The following IPP variants were observed in gnomAD, a reference collection of about 807,000 sequenced individuals.
IPP encodes actin-binding protein IPP.
In IPP, 41 loss-of-function variants were observed where a neutral mutation model predicts 64.1. The observed-to-expected ratio is 0.64, with a 90% CI of 0.50 to 0.83. The LOEUF (loss-of-function observed/expected upper bound fraction) is 0.83, where lower values mean the gene tolerates loss of function less well. Ranked by LOEUF, IPP falls within the 40% of genes least tolerant of loss-of-function variation. The pLI is 0.00. For synonymous variants in IPP, 214 were observed against 235.2 expected (o/e 0.91, Z 0.83); for missense variants, 649 against 703.0 (o/e 0.92, Z 0.87).
rs1412228707 is a variant in IPP, at chr1:45,749,512, G to GTT, written c.-51+1083_-51+1084dup. 5.3e-4 allele frequency among the ~76,000 whole-genome samples: 71 copies of GTT among 134,096 alleles called. No individual in the cohort carries two copies. In the East Asian group the frequency reaches 0.013, roughly 25 times the overall value. 88.0% of individuals were successfully genotyped at this position (134,096 alleles called of 152,430 possible). A position where few individuals can be genotyped will look rare whatever the true frequency, so the allele number is the denominator to read the frequency against. ...ATTTTTTGTTTTTTTTTTTTGTTTT[G>GTT]TTTTTGTTTTTTGTTTTTTTTTTTT... On this transcript the variant is annotated intron_variant, in intron 1 of 8. Transcript: ENST00000396478.
chr1:45,707,161 C>T lies in IPP; in HGVS notation c.1531-6971G>A, dbSNP rs566399294. ...ACTTTAGGCTGGGCACAGTGGCTTA[C>T]GCCTGTAATCCCAGCACTTTCGGAG... On this transcript the variant is annotated intron_variant, in intron 8 of 8. Coordinates refer to ENST00000396478, the MANE Select transcript of IPP (RefSeq NM_005897.3). Among the ~76,000 whole-genome samples, 18 of 152,334 alleles carry T rather than the reference C, an allele frequency of 1.2e-4. No individual in the cohort carries two copies. The East Asian group carries it at 2.7e-3, about 23-fold the overall frequency.
At chr1:45,736,871 C>T (rs937787607) in intron 3 of IPP, among the ~76,000 whole-genome samples, 14 of 151,576 alleles carry the variant, frequency 9.2e-5, no homozygotes, top group Non-Finnish European at 1.5e-5. Context: ...AACCCCGTCT[C>T]TGCTAAAAAT....
In IPP at chr1:45,700,843, C is replaced by T. The variant is rs2148545419; in HGVS notation, c.1531-653G>A. Reference sequence around the variant, plus strand: ...AAATAAAAACAAAAGAACCACAAAGCTCCAAGGAGAAAGAAGCTTATAAAC... The same window carrying T: ...AAATAAAAACAAAAGAACCACAAAGTTCCAAGGAGAAAGAAGCTTATAAAC... On this transcript the variant is annotated intron_variant, in intron 8 of 8. Coordinates refer to ENST00000396478, the MANE Select transcript of IPP (RefSeq NM_005897.3). Among the ~76,000 whole-genome samples the T allele has an allele frequency of 2.6e-5, 4 of 152,300 alleles. 1 individual carries two copies. Among genetic ancestry groups the T allele is most frequent in the Middle Eastern group, 6.8e-3 (2 of 294 alleles).
intron 6 of IPP, among the ~76,000 whole-genome samples, 179 bp from the exon 7 acceptor site, chr1:45,717,196 C>T (rs1645671219): frequency 7.5e-6 from 1 of 133,006 alleles, no homozygotes; most frequent in Admixed American, 8.4e-5. Flanking sequence ...AACTCAGGTC[C>T]TTTGCATAAC....
In IPP at chr1:45,749,988, G is replaced by C. The variant is rs1449279559; in HGVS notation, c.-51+609C>G. Among the ~76,000 whole-genome samples the C allele has an allele frequency of 3.3e-5, 5 of 152,190 alleles. No homozygotes were observed. In the East Asian group the frequency reaches 9.6e-4, roughly 29 times the overall value. On this transcript the variant is annotated intron_variant, in intron 1 of 8. Transcript: ENST00000396478. ...GGATCGCTAGAGCCTGAGAAGTCGAGGCTGCAGTGAGTTGTGATCGCACCA... is the reference window on the plus strand; with the variant it reads ...GGATCGCTAGAGCCTGAGAAGTCGACGCTGCAGTGAGTTGTGATCGCACCA...
At chr1:45,710,266 A>G (rs1645572625) in intron 8 of IPP, among the ~76,000 whole-genome samples, 1 of 117,222 alleles carries the variant, frequency 8.5e-6, no homozygotes, top group Admixed American at 8.9e-5. Flanking sequence ...GAGCTAAGAA[A>G]ACATGATGTG....
intron 5 of IPP, among the ~76,000 whole-genome samples, chr1:45,722,832 G>T (rs1248459609): frequency 2.0e-5 from 3 of 152,000 alleles, no homozygotes; most frequent in Admixed American, 2.0e-4. Context: ...AAAAAGAAAT[G>T]AAGTACTGAT....
At position 45,714,133 on chromosome 1, in the gene IPP, GA is replaced by G. The variant is rs1055962753; in HGVS notation, c.1530+112del. ...TTTCTTCTTTGGAAAGAAAAAAGGG[GA>G]AAAAAATCCACGAATGATCAATATC... is the stretch of plus-strand genomic sequence containing the variant. On this transcript the variant is annotated intron_variant, in intron 8 of 8. Transcript: ENST00000396478. 15 of 724,290 alleles carry G rather than the reference GA, an allele frequency of 2.1e-5. 1 individual carries two copies. The highest frequency in any genetic ancestry group is 1.4e-4 in the East Asian group (5 of 35,896). The allele number at this position is 724,290 out of a possible 1,614,324, so 44.9% of individuals were successfully genotyped here.
At chr1:45,747,834 C>CAAAAAAAAAAAAAAAAAAAA (rs60576414) in intron 1 of IPP, among the ~76,000 whole-genome samples, 1 of 39,280 alleles carries the variant, frequency 2.5e-5, no homozygotes, top group Non-Finnish European at 4.4e-5. Flanking sequence ...GACTCTGTCT[C>CAAAAAAAAAAAAAAAAAAAA]AAAAAAAAAA....
intron 5 of IPP, among the ~76,000 whole-genome samples, chr1:45,725,671 G>C (rs1645814167): frequency 7.1e-6 from 1 of 140,016 alleles, no homozygotes; most frequent in African/African-American, 2.6e-5. Context: ...GGAAAAAATT[G>C]AGAAATCGGA....
At chr1:45,724,865 G>C (rs1285765963) in intron 5 of IPP, among the ~76,000 whole-genome samples, 7 of 150,544 alleles carry the variant, frequency 4.6e-5, no homozygotes, top group African/African-American at 1.7e-4. Flanking sequence ...CCGCCCGGCA[G>C]CCACCCCGTC....
chr1:45,747,220 CA>C (rs61305811), intron 1 of IPP, among the ~76,000 whole-genome samples: 1,655 of 151,942 alleles, frequency 0.011, 31 homozygotes, highest in African/African-American at 0.037. Context: ...GTTAGGTTTC[CA>C]ATGTTTGTGA....
At chr1:45,741,623 C>CTTATTTTT (rs1646067415) in intron 2 of IPP, among the ~76,000 whole-genome samples, 1 of 96,128 alleles carries the variant, frequency 1.0e-5, no homozygotes, top group Non-Finnish European at 2.1e-5. Context: ...TTCTTATTTT[C>CTTATTTTT]TTTTTTTTTT....
At chr1:45,737,559 C>T (rs761085459) in intron 3 of IPP, among the ~76,000 whole-genome samples, 31 of 148,804 alleles carry the variant, frequency 2.1e-4, no homozygotes, top group Non-Finnish European at 3.5e-4. Flanking sequence ...TTCCTGGGTT[C>T]AAGTGACCTT....
chr1:45,746,141 G>T lies in IPP; in HGVS notation c.271C>A (p.Leu91Ile), dbSNP rs774369705. ...ATACCTGTGTAAATGAAATCTAGAA[G>T]TATCTGAAAGATTCCTGCTTCAATT... Reference protein sequence around the residue: ...LGIEAGIFQILLDFIYTGIVN... With the variant: ...LGIEAGIFQIILDFIYTGIVN... The change falls in exon 2 of 9, where the codon CTT (leucine) becomes ATT (isoleucine). Residue 91 changes from leucine (L) to isoleucine (I), a missense_variant. Physicochemically the swap from Leu to Ile is conservative, Grantham distance 5. Coordinates refer to ENST00000396478, the MANE Select transcript of IPP (RefSeq NM_005897.3). The T allele has an allele frequency of 1.2e-6, 2 of 1,613,602 alleles. No individual in the cohort carries two copies. The highest frequency in any genetic ancestry group is 1.7e-6 in the Non-Finnish European group (2 of 1,179,530).
intron 1 of IPP, among the ~76,000 whole-genome samples, chr1:45,749,204 GA>G (rs904656914): frequency 2.0e-5 from 3 of 152,186 alleles, no homozygotes; most frequent in African/African-American, 7.2e-5. Flanking sequence ...CCTGCTACAA[GA>G]AAGAGTTGAC....
chr1:45,700,038 AG>A lies in IPP; in HGVS notation c.1682del (p.Pro561LeufsTer12). ...GTLDSVEVYN[P>X]HSDTWTEIGN... Reference sequence around the variant, plus strand: ...CAATTTCTGTCCATGTATCTGAATGAGGGTTATAAACTTCAACTGAGTCCAA... The same window carrying A: ...CAATTTCTGTCCATGTATCTGAATGAGGTTATAAACTTCAACTGAGTCCAA... On this transcript the variant is annotated frameshift_variant, in exon 9 of 9. Transcript: ENST00000396478. LOFTEE classifies it high-confidence loss of function. 6.2e-7 allele frequency: 1 copy of A among 1,614,150 alleles called. No individual in the cohort carries two copies. The highest frequency in any genetic ancestry group is 8.5e-7 in the Non-Finnish European group (1 of 1,180,018).
chr1:45,742,005 T>A (rs1198225348), intron 2 of IPP, among the ~76,000 whole-genome samples: 1 of 152,128 alleles, frequency 6.6e-6, no homozygotes, highest in Non-Finnish European at 1.5e-5. Flanking sequence ...AGTTGCAAGG[T>A]AGGGGTTGAC....
At chr1:45,738,862 A>AAC (rs1557758702) in intron 3 of IPP, among the ~76,000 whole-genome samples, 3 of 149,556 alleles carry the variant, frequency 2.0e-5, no homozygotes, top group African/African-American at 4.9e-5. Context: ...AAAAAAAAAA[A>AAC]AAACAAGAAA....
Sources: allele counts gnomAD v4.1 joint callset (sites outside exome capture counted in the v4.1 genomes callset), GRCh38; gene constraint gnomAD v4.1.1; transcripts MANE v1.5; gene names NCBI Gene and HGNC (gene_info 2026-07-23, HGNC 2026-07-21).